Variants in SPATA3 observed in about 807,000 individuals in gnomAD.
SPATA3 encodes the protein spermatogenesis-associated protein 3.
SPATA3 carries 6 observed loss-of-function variants against 5.7 expected under a neutral mutation model. The ratio of observed to expected loss-of-function variants is 1.06; its 90% CI spans 0.58 to 2.09. The LOEUF (loss-of-function observed/expected upper bound fraction) is 2.09. Among genes scored for constraint, SPATA3 ranks in the 30% most tolerant of loss-of-function variants. The pLI, the probability that SPATA3 is intolerant of heterozygous loss-of-function variation, is 0.00. For synonymous variants in SPATA3, 44 were observed against 48.4 expected (o/e 0.91, Z 0.37); for missense variants, 155 against 130.4 (o/e 1.19, Z -0.92).
At chr2:230,999,633 A>T (rs566454595) in intron 1 of SPATA3, 2 of 166,926 alleles carry the variant, frequency 1.2e-5, no homozygotes, top group Non-Finnish European at 2.9e-5. Flanking sequence ...ATCTTGCCCA[A>T]CCACAGAGGG....
intron 5 of SPATA3, among the ~76,000 whole-genome samples, chr2:231,013,689 C>A (rs914404327): frequency 3.3e-5 from 5 of 152,094 alleles, no homozygotes; most frequent in Non-Finnish European, 5.9e-5. Flanking sequence ...GGGGCTTCAC[C>A]GTGTTGGTCA....
chr2:231,011,525 G>A (rs1383550048), downstream of SPATA3, among the ~76,000 whole-genome samples: 1 of 152,160 alleles, frequency 6.6e-6, no homozygotes, highest in African/African-American at 2.4e-5. Context: ...ACTGTGCCAG[G>A]GACACAGGAC....
At chr2:231,005,376 C>CCATCACCACCACCAT (rs1559197759), downstream of SPATA3, among the ~76,000 whole-genome samples, 3 of 72,560 alleles carry the variant, frequency 4.1e-5, no homozygotes, top group Non-Finnish European at 8.6e-5. Context: ...ATCATCACCA[C>CCATCACCACCACCAT]CATCACCACC....
intron 6 of SPATA3, among the ~76,000 whole-genome samples, chr2:231,016,738 G>A (rs537664911): frequency 1.2e-4 from 19 of 152,226 alleles, no homozygotes; most frequent in African/African-American, 4.3e-4. Flanking sequence ...TCTGACTCAA[G>A]CCTGCAGCCA....
chr2:231,006,113 T>C (rs1692615429), downstream of SPATA3, among the ~76,000 whole-genome samples: 1 of 150,032 alleles, frequency 6.7e-6, no homozygotes. Flanking sequence ...AAGGATTGCA[T>C]GAGCTCAGCA....
chr2:231,000,760 G>T (rs1266594059), intron 2 of SPATA3, among the ~76,000 whole-genome samples: 1 of 152,168 alleles, frequency 6.6e-6, no homozygotes, highest in African/African-American at 2.4e-5. Context: ...GTACAGAGAG[G>T]TGCCAGTTTT....
At chr2:231,015,768 C>T (rs560308905) in intron 6 of SPATA3, among the ~76,000 whole-genome samples, 6 of 152,224 alleles carry the variant, frequency 3.9e-5, no homozygotes, top group Non-Finnish European at 8.8e-5. Flanking sequence ...GAGCCACAAA[C>T]ACAGAAAGGC....
chr2:231,009,259 T>G (rs578244816), downstream of SPATA3, among the ~76,000 whole-genome samples: 1 of 152,220 alleles, frequency 6.6e-6, no homozygotes, highest in East Asian at 1.9e-4. Context: ...CTCCCTCTGC[T>G]TCTCCCCGTT....
chr2:231,000,308 C>T (rs1281572366), intron 1 of SPATA3, 58 bp from the exon 2 acceptor site: 4 of 1,387,762 alleles, frequency 2.9e-6, no homozygotes, highest in African/African-American at 3.0e-5. Flanking sequence ...TCCAGACTCC[C>T]CCGCCCCAGC....
downstream of SPATA3, chr2:231,007,161 G>A (rs1374238478): frequency 6.6e-6 from 1 of 152,138 alleles, no homozygotes; most frequent in Non-Finnish European, 1.5e-5. Context: ...AAGCCACCAG[G>A]ATTCCAGGTC....
intron 6 of SPATA3, among the ~76,000 whole-genome samples, chr2:231,016,744 A>G (rs1032175096): frequency 6.6e-6 from 1 of 152,190 alleles, no homozygotes; most frequent in African/African-American, 2.4e-5. Flanking sequence ...TCAAGCCTGC[A>G]GCCAGGCCTT....
downstream of SPATA3, among the ~76,000 whole-genome samples, chr2:231,006,201 GAA>G (rs34214730): frequency 5.0e-3 from 520 of 104,026 alleles, no homozygotes; most frequent in African/African-American, 0.013. Flanking sequence ...CCTGTCTCAA[GAA>G]AAAAAAAAAA....
chr2:231,000,870 C>T (rs1418605454), intron 2 of SPATA3, among the ~76,000 whole-genome samples: 3 of 152,226 alleles, frequency 2.0e-5, no homozygotes, highest in South Asian at 2.1e-4. Flanking sequence ...TTCACAGAGT[C>T]GCTCAGGAGC....
At chr2:231,006,138 T>C (rs190124341), downstream of SPATA3, among the ~76,000 whole-genome samples, 5 of 146,100 alleles carry the variant, frequency 3.4e-5, no homozygotes, top group East Asian at 1.0e-3. Context: ...GAGGTTGCAA[T>C]GAGCTATAAT....
At chr2:231,008,822 CA>C (rs1458800078), downstream of SPATA3, among the ~76,000 whole-genome samples, 1 of 152,232 alleles carries the variant, frequency 6.6e-6, no homozygotes, top group Non-Finnish European at 1.5e-5. Flanking sequence ...AGTTCTGGTT[CA>C]GATGTGGCTT....
intron 5 of SPATA3, among the ~76,000 whole-genome samples, chr2:231,013,355 C>A (rs955292687): frequency 1.3e-5 from 2 of 152,140 alleles, no homozygotes; most frequent in Non-Finnish European, 2.9e-5. Context: ...ATATTTTAAA[C>A]CTAAATCATA....
downstream of SPATA3, among the ~76,000 whole-genome samples, chr2:231,005,476 C>CACT (rs2125110263): frequency 1.6e-5 from 2 of 126,146 alleles, no homozygotes; most frequent in African/African-American, 6.1e-5. Flanking sequence ...CCACCATCAT[C>CACT]ACCACCACCA....
downstream of SPATA3, among the ~76,000 whole-genome samples, chr2:231,005,358 C>CCAT (rs1692557250): frequency 1.1e-5 from 1 of 94,662 alleles, no homozygotes; most frequent in Non-Finnish European, 2.2e-5. Flanking sequence ...ACCATCACCA[C>CCAT]CACCACCATC....
chr2:231,011,072 C>CAAAAAAAAAAA (rs556496371), downstream of SPATA3, among the ~76,000 whole-genome samples: 12,741 of 78,278 alleles, frequency 0.16, 1,420 homozygotes, highest in Admixed American at 0.19. Flanking sequence ...GACCCTGTCT[C>CAAAAAAAAAAA]AAAAAAAAAA....
Sources: gnomAD v4.1 joint callset for allele counts (sites outside exome capture counted in the v4.1 genomes callset) on GRCh38, gnomAD v4.1.1 for gene constraint, MANE v1.5 for transcripts, NCBI Gene and HGNC (gene_info 2026-07-23, HGNC 2026-07-21) for gene names.